Variants in DOCK11 observed in about 807,000 individuals in gnomAD.
DOCK11 encodes dedicator of cytokinesis 11, also known as dedicator of cytokinesis protein 11.
DOCK11 carries 70 observed loss-of-function variants against 169.1 expected under a neutral mutation model. The observed-to-expected ratio is 0.41, with a 90% CI of 0.34 to 0.51. The LOEUF (loss-of-function observed/expected upper bound fraction) is 0.51. DOCK11 is among the 20% of genes least tolerant of loss of function. The pLI, the probability that DOCK11 is intolerant of heterozygous loss-of-function variation, is 0.10. For missense variants in DOCK11, 1,166 were observed against 1,538.8 expected, an observed-to-expected ratio of 0.76 and a Z score of 4.05; for synonymous variants, 529 against 541.3, an observed-to-expected ratio of 0.98 and a Z score of 0.32.
chrX:118,543,551 A>G lies in DOCK11; in HGVS notation c.350A>G (p.Tyr117Cys). ...AGCACAGATTGGCACGTGGTAAACT[A>G]CAAGTATGAGGACTTCTCTGGGGAC... ...TYSTDWHVVNYKYEDFSGDFR... is the reference protein window; with the variant it reads ...TYSTDWHVVNCKYEDFSGDFR... The change falls in exon 4 of 53, where the codon TAC becomes TGC. Residue 117 changes from tyrosine to cysteine, a missense_variant. Physicochemically the swap from Tyr to Cys is radical, Grantham distance 194. Coordinates refer to ENST00000276202, the MANE Select transcript of DOCK11 (RefSeq NM_144658.4). The G allele has an allele frequency of 3.3e-6, 4 of 1,210,416 alleles. No individual in the cohort carries two copies. The highest frequency in any genetic ancestry group is 4.5e-6 in the Non-Finnish European group (4 of 893,970).
chrX:118,516,087 C>CTTTTCTTT (rs2057684348), intron 1 of DOCK11, among the ~76,000 whole-genome samples: 2 of 63,732 alleles, frequency 3.1e-5, no homozygotes, highest in African/African-American at 1.4e-4. Flanking sequence ...CTTTTCTTTT[C>CTTTTCTTT]TTTTTCTTTT....
intron 46 of DOCK11, among the ~76,000 whole-genome samples, chrX:118,675,213 C>G (rs781429918): frequency 2.7e-5 from 3 of 111,949 alleles, no homozygotes; most frequent in Non-Finnish European, 3.8e-5. Flanking sequence ...TATCTGTGAA[C>G]TTGCATAAAA....
intron 1 of DOCK11, among the ~76,000 whole-genome samples, chrX:118,537,322 C>T (rs1181407835): frequency 1.8e-5 from 2 of 111,194 alleles, no homozygotes; most frequent in Non-Finnish European, 3.8e-5. Context: ...GTATCCCTCC[C>T]AGTGTGATAA....
chrX:118,592,183 C>T (rs57875145), intron 19 of DOCK11, among the ~76,000 whole-genome samples: 5,653 of 110,339 alleles, frequency 0.051, 280 homozygotes, highest in African/African-American at 0.14. Flanking sequence ...GCATTTCTAG[C>T]TCTAGATCCC....
chrX:118,593,293 A>G lies in DOCK11; in HGVS notation c.2219A>G (p.Asn740Ser). 1 of 1,205,888 alleles carries G rather than the reference A, an allele frequency of 8.3e-7. No homozygotes were observed. Among genetic ancestry groups the G allele is most frequent in the South Asian group, 1.8e-5 (1 of 55,590 alleles). The change falls in exon 20 of 53, where the codon AAC (asparagine) becomes AGC (serine). Residue 740 changes from asparagine to serine, a missense_variant. Physicochemically the swap from Asn to Ser is conservative, Grantham distance 46. Coordinates refer to ENST00000276202, the MANE Select transcript of DOCK11 (RefSeq NM_144658.4). ...TTTTATCATGTAAGTTGTGAAATTA[A>G]CACAAAGGGAACAACCAAAAAGCAA... ...FTFYHVSCEI[N>S]TKGTTKKQDT...
At chrX:118,609,576 C>T (rs2014627015) in intron 27 of DOCK11, among the ~76,000 whole-genome samples, 1 of 112,053 alleles carries the variant, frequency 8.9e-6, no homozygotes, top group Admixed American at 9.5e-5. Context: ...TATGTTCTCA[C>T]CGTCTAATCT....
chrX:118,540,164 T>C lies in DOCK11; in HGVS notation c.103-2561T>C, dbSNP rs1045118137. ...TTGAAGTAGGTACTTGTAAAATTATTGTACAGAGAAGTTGACAGATTCAAC... is the reference window on the plus strand; with the variant it reads ...TTGAAGTAGGTACTTGTAAAATTATCGTACAGAGAAGTTGACAGATTCAAC... On this transcript the variant is annotated intron_variant, in intron 1 of 52. Transcript: ENST00000276202. Among the ~76,000 whole-genome samples the C allele has an allele frequency of 2.7e-5, 3 of 111,060 alleles. No homozygotes were observed. In the Admixed American group the frequency reaches 2.9e-4, roughly 11 times the overall value.
At chrX:118,531,428 A>C (rs1433036737) in intron 1 of DOCK11, among the ~76,000 whole-genome samples, 1 of 58,057 alleles carries the variant, frequency 1.7e-5, no homozygotes, top group Non-Finnish European at 3.1e-5. Context: ...AAAAAAAAAA[A>C]AAAAAAAAAA....
In DOCK11 at chrX:118,680,064, C is replaced by T. The variant is rs1021635769; in HGVS notation, c.5461-418C>T. On this transcript the variant is annotated intron_variant, in intron 48 of 52. Coordinates refer to ENST00000276202, the MANE Select transcript of DOCK11 (RefSeq NM_144658.4). ...GCCTCAGCCTCCTGAGTAGCTGGGA[C>T]TACAGGCTCATGCCACCCCGCCTGG... 6.6e-5 allele frequency among the ~76,000 whole-genome samples: 7 copies of T among 106,789 alleles called. No homozygotes were observed. The South Asian group carries it at 3.0e-3, about 45-fold the overall frequency. 92.7% of individuals were successfully genotyped at this position (106,789 alleles called of 115,157 possible).
At chrX:118,509,166 G>A (rs2057633503) in intron 1 of DOCK11, among the ~76,000 whole-genome samples, 2 of 112,107 alleles carry the variant, frequency 1.8e-5, no homozygotes, top group Non-Finnish European at 1.9e-5. Flanking sequence ...CTAGGAGTAA[G>A]TTCTTGCCTT....
At chrX:118,594,439 A>T (rs1892287) in intron 20 of DOCK11, among the ~76,000 whole-genome samples, 23,859 of 111,678 alleles carry the variant, frequency 0.21, 1,945 homozygotes, top group East Asian at 0.35. Context: ...TTATTGGAAC[A>T]TTTCATATTT....
chrX:118,632,862 TAA>T (rs1402098882), intron 35 of DOCK11: 6 of 107,657 alleles, frequency 5.6e-5, no homozygotes, highest in South Asian at 4.1e-4. Flanking sequence ...AGAAAAGGAA[TAA>T]GAGTCAGGAG....
At chrX:118,619,311 T>G (rs1375212902) in intron 31 of DOCK11, among the ~76,000 whole-genome samples, 1 of 104,513 alleles carries the variant, frequency 9.6e-6, no homozygotes, top group Non-Finnish European at 2.0e-5. Context: ...TCATCTCTAC[T>G]AAAAATACAA....
intron 15 of DOCK11, 79 bp from the exon 16 acceptor site, chrX:118,584,962 T>C: frequency 8.7e-7 from 1 of 1,143,705 alleles, no homozygotes. Flanking sequence ...ATGATTAAAA[T>C]TGTAAGTTTG....
intron 5 of DOCK11, among the ~76,000 whole-genome samples, chrX:118,545,659 T>C (rs2012244290): frequency 9.0e-6 from 1 of 110,899 alleles, no homozygotes; most frequent in Non-Finnish European, 1.9e-5. Context: ...GCTTGTGGAG[T>C]TGCTTTTCTT....
Position 118,630,509 on chromosome X carries a change from A to G in DOCK11, c.3886+19A>G, listed in dbSNP as rs753916941. The G allele has an allele frequency of 4.8e-6, 5 of 1,050,159 alleles. No individual in the cohort carries two copies. In the South Asian group the frequency reaches 9.6e-5, roughly 20 times the overall value. 86.5% of individuals were successfully genotyped at this position (1,050,159 alleles called of 1,213,427 possible). ...TCAGAAGGTGAGTTACCATCATATT[A>G]AGCATGGACTGTACTAGACATACAC... On this transcript the variant is annotated intron_variant, in intron 35 of 52. Coordinates refer to ENST00000276202, the MANE Select transcript of DOCK11 (RefSeq NM_144658.4).
intron 14 of DOCK11, among the ~76,000 whole-genome samples, chrX:118,584,426 A>G (rs1410763162): frequency 1.2e-5 from 1 of 84,434 alleles, no homozygotes; most frequent in Non-Finnish European, 2.2e-5. Context: ...CAGTTTGCTT[A>G]CCCATTCACT....
chrX:118,665,841 A>G (rs2016327405), intron 45 of DOCK11, among the ~76,000 whole-genome samples: 1 of 112,572 alleles, frequency 8.9e-6, no homozygotes, highest in Admixed American at 9.4e-5. Context: ...TAATAACGCA[A>G]TGTAACTTGT....
intron 1 of DOCK11, among the ~76,000 whole-genome samples, chrX:118,501,901 A>G (rs2057578699): frequency 8.9e-6 from 1 of 111,953 alleles, no homozygotes; most frequent in Admixed American, 9.5e-5. Flanking sequence ...TAAATGGTAC[A>G]TCACCGTTCT....
Sources: allele counts gnomAD v4.1 joint callset (sites outside exome capture counted in the v4.1 genomes callset), GRCh38; gene constraint gnomAD v4.1.1; transcripts MANE v1.5; gene names NCBI Gene and HGNC (gene_info 2026-07-23, HGNC 2026-07-21).